Variants in OR4F3 observed in about 807,000 individuals in gnomAD.
The protein encoded by OR4F3 is olfactory receptor family 4 subfamily F member 3, also known as olfactory receptor 4F3/4F16/4F29.
At chr5:181,354,901 AT>A in the OR4F3 span, among the ~76,000 whole-genome samples, 8 of 125,610 alleles carry the variant, frequency 6.4e-5, no homozygotes. Context: ...GAACGGCTGC[AT>A]TTACCCAATG....
the OR4F3 span, among the ~76,000 whole-genome samples, chr5:181,357,257 G>C: frequency 7.5e-4 from 101 of 134,362 alleles, 4 homozygotes; most frequent in Non-Finnish European, 1.6e-5. Flanking sequence ...CACTGTGAAA[G>C]TTGAATGGAC....
At chr5:181,363,846 C>T (rs1230042912), upstream of OR4F3, among the ~76,000 whole-genome samples, 6 of 86,644 alleles carry the variant, frequency 6.9e-5, 2 homozygotes, top group Admixed American at 5.0e-4. Flanking sequence ...TCCAAAAGGG[C>T]GATAATAGAA....
chr5:181,362,537 G>C (rs867569576), upstream of OR4F3, among the ~76,000 whole-genome samples: 1 of 124,526 alleles, frequency 8.0e-6, no homozygotes, highest in Non-Finnish European at 1.6e-5. Context: ...TTTTTTTTTG[G>C]GGGGGGTGCT....
the OR4F3 span, among the ~76,000 whole-genome samples, chr5:181,357,262 A>G: frequency 7.4e-6 from 1 of 134,270 alleles, no homozygotes; most frequent in African/African-American, 3.2e-5. Context: ...TGAAAGTTGA[A>G]TGGACCAGAA....
chr5:181,359,509 A>G, the OR4F3 span, among the ~76,000 whole-genome samples: 1 of 106,038 alleles, frequency 9.4e-6, no homozygotes, highest in Admixed American at 7.8e-5. Flanking sequence ...TAGTCATAAA[A>G]TAAAGATGTA....
At chr5:181,356,597 C>T in the OR4F3 span, among the ~76,000 whole-genome samples, 10 of 127,110 alleles carry the variant, frequency 7.9e-5, 1 homozygote, top group South Asian at 4.9e-4. Flanking sequence ...TCTGGCCTCG[C>T]GGAGCAGATT....
chr5:181,363,580 A>G (rs1040659344), upstream of OR4F3, among the ~76,000 whole-genome samples: 39 of 95,450 alleles, frequency 4.1e-4, 9 homozygotes, highest in Admixed American at 3.1e-3. Flanking sequence ...ACTTTTGGAA[A>G]TAACTCTACT....
upstream of OR4F3, among the ~76,000 whole-genome samples, chr5:181,363,896 G>A (rs1378941372): frequency 6.0e-5 from 5 of 83,148 alleles, 1 homozygote; most frequent in African/African-American, 4.4e-4. Context: ...GCAACCCAAT[G>A]TCAAAGTCCG....
upstream of OR4F3, among the ~76,000 whole-genome samples, chr5:181,363,878 C>T (rs1273136283): frequency 4.6e-5 from 4 of 86,130 alleles, 1 homozygote; most frequent in Admixed American, 2.0e-4. Flanking sequence ...TTCTCTCCCC[C>T]GTTAAATGCA....
the OR4F3 span, among the ~76,000 whole-genome samples, chr5:181,357,074 G>A: frequency 6.1e-5 from 8 of 131,256 alleles, no homozygotes; most frequent in Middle Eastern, 3.5e-3. Context: ...TTCCAAGGGC[G>A]CTCTCCATTG....
chr5:181,358,591 CCA>C, the OR4F3 span, among the ~76,000 whole-genome samples: 1 of 80,378 alleles, frequency 1.2e-5, no homozygotes. Flanking sequence ...TTTCATTACA[CCA>C]CACACGTGTC....
At chr5:181,354,518 A>G in the OR4F3 span, among the ~76,000 whole-genome samples, 1 of 131,296 alleles carries the variant, frequency 7.6e-6, no homozygotes, top group East Asian at 2.0e-4. Flanking sequence ...GCAGTGGGGA[A>G]TGGAAATGTG....
the OR4F3 span, among the ~76,000 whole-genome samples, chr5:181,357,792 GTTTTC>G: frequency 1.9e-4 from 1 of 5,374 alleles, no homozygotes; most frequent in East Asian, 1.7e-3. Flanking sequence ...TTTCAGAAAA[GTTTTC>G]TTTTATCTTT....
chr5:181,363,841 A>C (rs1211586871), upstream of OR4F3, among the ~76,000 whole-genome samples: 791 of 84,660 alleles, frequency 9.3e-3, 31 homozygotes, highest in African/African-American at 0.042. Context: ...GTGAGTCCAA[A>C]AGGGCGATAA....
chr5:181,364,048 G>A, upstream of OR4F3, among the ~76,000 whole-genome samples: 1 of 40,948 alleles, frequency 2.4e-5, no homozygotes, highest in South Asian at 9.9e-4. Context: ...AGAGACTACT[G>A]TATTTCATCC....
At chr5:181,357,651 T>G in the OR4F3 span, among the ~76,000 whole-genome samples, 3 of 24,810 alleles carry the variant, frequency 1.2e-4, no homozygotes, top group African/African-American at 4.3e-4. Context: ...TTTTTTTTTT[T>G]GTGGGTTGTT....
At chr5:181,354,516 G>A in the OR4F3 span, among the ~76,000 whole-genome samples, 16 of 131,888 alleles carry the variant, frequency 1.2e-4, no homozygotes, top group African/African-American at 5.1e-4. Flanking sequence ...AGGCAGTGGG[G>A]AATGGAAATG....
At chr5:181,354,438 T>G in the OR4F3 span, among the ~76,000 whole-genome samples, 1 of 130,874 alleles carries the variant, frequency 7.6e-6, no homozygotes, top group Non-Finnish European at 1.6e-5. Context: ...TCAGAGAATG[T>G]ATGGAAATGC....
the OR4F3 span, among the ~76,000 whole-genome samples, chr5:181,358,332 ATACTTGTG>A: frequency 7.6e-6 from 1 of 132,300 alleles, no homozygotes; most frequent in East Asian, 2.0e-4. Flanking sequence ...AATATTCTAG[ATACTTGTG>A]TAAGGATATT....
Sources: gnomAD v4.1 joint callset for allele counts (sites outside exome capture counted in the v4.1 genomes callset) on GRCh38, gnomAD v4.1.1 for gene constraint, MANE v1.5 for transcripts, NCBI Gene and HGNC (gene_info 2026-07-23, HGNC 2026-07-21) for gene names.